SLC22A4: variants seen among roughly 807,000 people sequenced by gnomAD.
SLC22A4 encodes solute carrier family 22 member 4, also known as ET transporter.
A neutral mutation model predicts 56.6 loss-of-function variants in SLC22A4; 39 were observed. The observed-to-expected ratio is 0.69, with a 90% CI of 0.53 to 0.90. SLC22A4 has a LOEUF of 0.90. Ranked by LOEUF, SLC22A4 falls within the 40% of genes least tolerant of loss-of-function variation. The pLI is 0.00. For missense variants in SLC22A4, 594 were observed against 696.5 expected, an observed-to-expected ratio of 0.85 and a Z score of 1.66; for synonymous variants, 241 against 281.4, an observed-to-expected ratio of 0.86 and a Z score of 1.44.
chr5:132,335,931 A>T lies in SLC22A4; in HGVS notation c.1375A>T (p.Met459Leu). 6.2e-7 allele frequency: 1 copy of T among 1,614,176 alleles called. No homozygotes were observed. The highest frequency in any genetic ancestry group is 1.1e-5 in the South Asian group (1 of 91,076). ...AELYPTLVRN[M>L]AVGVTSTASR... The stretch of plus-strand genomic sequence containing the variant: ...GCTCTACCCAACCCTGGTCAGGAAC[A>T]TGGCGGTGGGGGTCACATCCACGGC... The change falls in exon 8 of 10, where the codon ATG becomes TTG. Residue 459 changes from methionine to leucine, a missense_variant. Transcript: ENST00000200652.
chr5:132,331,693 T>C (rs1466770696), intron 5 of SLC22A4, 63 bp from the exon 6 acceptor site: 9 of 1,167,622 alleles, frequency 7.7e-6, no homozygotes, highest in South Asian at 4.9e-5. Context: ...CCATGCATCA[T>C]AGCCAAAGAT....
At chr5:132,337,674 T>C (rs1470488422) in intron 8 of SLC22A4, among the ~76,000 whole-genome samples, 1 of 152,038 alleles carries the variant, frequency 6.6e-6, no homozygotes, top group Non-Finnish European at 1.5e-5. Context: ...GTTGAGCATG[T>C]TTTTGTGTAT....
intron 1 of SLC22A4, among the ~76,000 whole-genome samples, chr5:132,306,698 G>A (rs965869077): frequency 6.6e-5 from 10 of 151,560 alleles, no homozygotes; most frequent in East Asian, 3.9e-4. Flanking sequence ...CACCCGCCTC[G>A]GCCTCCCAAA....
At chr5:132,335,194 C>T (rs531329832) in intron 7 of SLC22A4, among the ~76,000 whole-genome samples, 1 of 152,298 alleles carries the variant, frequency 6.6e-6, no homozygotes, top group South Asian at 2.1e-4. Context: ...GAAAGACTCA[C>T]CTAACATCTC....
At chr5:132,312,497 A>G (rs1750210622) in intron 2 of SLC22A4, among the ~76,000 whole-genome samples, 1 of 152,164 alleles carries the variant, frequency 6.6e-6, no homozygotes, top group Non-Finnish European at 1.5e-5. Flanking sequence ...GGCTTTGGCC[A>G]GTGGTGGGGA....
chr5:132,333,803 T>A (rs913906543), intron 6 of SLC22A4, among the ~76,000 whole-genome samples: 4 of 151,796 alleles, frequency 2.6e-5, no homozygotes, highest in Non-Finnish European at 4.4e-5. Flanking sequence ...TTCTTTTTTT[T>A]ATTTATGTTT....
At chr5:132,328,335 G>A (rs1750738489) in intron 5 of SLC22A4, among the ~76,000 whole-genome samples, 1 of 152,168 alleles carries the variant, frequency 6.6e-6, no homozygotes, top group South Asian at 2.1e-4. Flanking sequence ...CTGCACCAAA[G>A]CATGTAGTAC....
intron 3 of SLC22A4, among the ~76,000 whole-genome samples, chr5:132,314,402 C>T (rs1750273557): frequency 6.6e-6 from 1 of 152,192 alleles, no homozygotes; most frequent in South Asian, 2.1e-4. Context: ...AGCAGCTTTT[C>T]CTGGGAGGGA....
chr5:132,317,286 T>C (rs574960962), intron 3 of SLC22A4, among the ~76,000 whole-genome samples: 2 of 152,336 alleles, frequency 1.3e-5, no homozygotes, highest in East Asian at 3.9e-4. Flanking sequence ...TGTACAGCCA[T>C]CAACACTATC....
intron 1 of SLC22A4, among the ~76,000 whole-genome samples, chr5:132,309,438 T>A (rs933927366): frequency 5.9e-5 from 9 of 152,236 alleles, no homozygotes; most frequent in African/African-American, 2.2e-4. Flanking sequence ...GCTCTTCCTG[T>A]GCTGCATGAT....
intron 1 of SLC22A4, among the ~76,000 whole-genome samples, chr5:132,310,453 T>C (rs1013112564): frequency 1.3e-5 from 2 of 152,232 alleles, no homozygotes; most frequent in African/African-American, 2.4e-5. Context: ...GCAGAACACA[T>C]TAATCTGGCC....
At chr5:132,309,007 C>G (rs955449373) in intron 1 of SLC22A4, among the ~76,000 whole-genome samples, 2 of 152,224 alleles carry the variant, frequency 1.3e-5, no homozygotes, top group Non-Finnish European at 1.5e-5. Context: ...AAGGAAAACA[C>G]TGTCTCCCAC....
intron 1 of SLC22A4, among the ~76,000 whole-genome samples, chr5:132,296,783 C>T (rs1391065876): frequency 6.6e-6 from 1 of 152,224 alleles, no homozygotes; most frequent in African/African-American, 2.4e-5. Flanking sequence ...TGAGTGGCAG[C>T]CTTCCCTGGC....
At chr5:132,295,767 T>C (rs1749765535) in intron 1 of SLC22A4, 1 of 166,632 alleles carries the variant, frequency 6.0e-6, no homozygotes, top group Non-Finnish European at 1.3e-5. Context: ...GGATACACCT[T>C]TCTTCTGAGG....
At position 132,294,834 on chromosome 5, in the gene SLC22A4, ACGG is replaced by A. The variant is rs1313648846; in HGVS notation, c.220_222del (p.Gly74del). 6.2e-7 allele frequency: 1 copy of A among 1,610,108 alleles called. No individual in the cohort carries two copies. The highest frequency in any genetic ancestry group is 1.3e-5 in the African/African-American group (1 of 74,836). On this transcript the variant is annotated inframe_deletion, in exon 1 of 10. Coordinates refer to ENST00000200652, the MANE Select transcript of SLC22A4 (RefSeq NM_003059.3). The surrounding 1 kb of genome is among the most constrained non-coding windows in gnomAD (Gnocchi z 5.6). ...AACAGTGTCCCGCTGCGGCTGCGGG[ACGG>A]CCGCGAGGTGCCCCACAGCTGCAGC... is the stretch of plus-strand genomic sequence containing the variant.
At chr5:132,312,940 C>A (rs1750224061) in intron 2 of SLC22A4, among the ~76,000 whole-genome samples, 1 of 152,216 alleles carries the variant, frequency 6.6e-6, no homozygotes, top group Non-Finnish European at 1.5e-5. Flanking sequence ...AAAGGCTGTT[C>A]TGCTCACACC....
At chr5:132,331,043 TACA>T (rs1232841989) in intron 5 of SLC22A4, among the ~76,000 whole-genome samples, 1 of 152,072 alleles carries the variant, frequency 6.6e-6, no homozygotes, top group Non-Finnish European at 1.5e-5. Flanking sequence ...GCTAAATGAC[TACA>T]ACAAGAGAAG....
At chr5:132,318,306 C>T (rs1750423395) in intron 3 of SLC22A4, among the ~76,000 whole-genome samples, 1 of 152,174 alleles carries the variant, frequency 6.6e-6, no homozygotes, top group South Asian at 2.1e-4. Flanking sequence ...CTGCCACATG[C>T]CAGACACCCT....
At chr5:132,340,514 C>A (rs754203929) in intron 8 of SLC22A4, 51 bp from the exon 9 acceptor site, 54 of 1,569,480 alleles carry the variant, frequency 3.4e-5, no homozygotes, top group African/African-American at 5.4e-5. Flanking sequence ...CTCAAGAGTG[C>A]CCAGAGAGTC....
Sources: gnomAD v4.1 joint callset for allele counts (sites outside exome capture counted in the v4.1 genomes callset) on GRCh38, gnomAD v4.1.1 for gene constraint, Gnocchi (gnomAD v3.1) non-coding constraint, MANE v1.5 for transcripts, NCBI Gene and HGNC (gene_info 2026-07-23, HGNC 2026-07-21) for gene names.